CSMD3: variants seen among roughly 807,000 people sequenced by gnomAD.
The protein encoded by CSMD3 is CUB and sushi domain-containing protein 3.
A neutral mutation model predicts 435.2 loss-of-function variants in CSMD3; 177 were observed. That is an observed-to-expected ratio of 0.41 (90% CI 0.36 to 0.46). The LOEUF (loss-of-function observed/expected upper bound fraction) is 0.46, where lower values mean the gene tolerates loss of function less well. CSMD3 is among the 20% of genes least tolerant of loss of function. CSMD3 has a pLI of 0.34. For missense variants in CSMD3, 4,265 were observed against 4,504.6 expected, an observed-to-expected ratio of 0.95 and a Z score of 1.52; for synonymous variants, 1,656 against 1,520.5, an observed-to-expected ratio of 1.09 and a Z score of -2.07.
At chr8:112,825,434 A>C (rs1370734634) in intron 12 of CSMD3, among the ~76,000 whole-genome samples, 2 of 151,176 alleles carry the variant, frequency 1.3e-5, no homozygotes, top group East Asian at 3.9e-4. Flanking sequence ...TGTTGTTGTT[A>C]ATTCTTTCTC....
At chr8:113,254,450 A>C (rs2093362695) in intron 3 of CSMD3, among the ~76,000 whole-genome samples, 1 of 152,202 alleles carries the variant, frequency 6.6e-6, no homozygotes, top group African/African-American at 2.4e-5. Context: ...ACAGCATGGT[A>C]CTGGCCAGGT....
rs367651519 is a variant in CSMD3, at chr8:112,743,792, T to C, written c.1973-53742A>G. Among the ~76,000 whole-genome samples the C allele has an allele frequency of 8.5e-5, 13 of 152,142 alleles. No individual in the cohort carries two copies. The East Asian group carries it at 2.3e-3, about 27-fold the overall frequency. On this transcript the variant is annotated intron_variant, in intron 13 of 70. Coordinates refer to ENST00000297405, the MANE Select transcript of CSMD3 (RefSeq NM_198123.2). The stretch of plus-strand genomic sequence containing the variant: ...CTTTTAAATACTTGCATCATATAAA[T>C]AAAATCGTTCTGATAAACACCTGGT...
intron 13 of CSMD3, among the ~76,000 whole-genome samples, chr8:112,781,341 TGAGGAAAAAA>T (rs2078380379): frequency 6.6e-6 from 1 of 151,874 alleles, no homozygotes; most frequent in Admixed American, 6.6e-5. Context: ...TCCTTCTACT[TGAGGAAAAAA>T]GAGGAAAAAG....
In CSMD3 at chr8:112,702,289, T is replaced by C. The variant is rs554298602; in HGVS notation, c.1973-12239A>G. On this transcript the variant is annotated intron_variant, in intron 13 of 70. Coordinates refer to ENST00000297405, the MANE Select transcript of CSMD3 (RefSeq NM_198123.2). ...TTCCAGGATATGAGTTCTTAAGCAC[T>C]ATACCCTCTCTCAGAGCCTAATATT... Among the ~76,000 whole-genome samples the C allele has an allele frequency of 9.2e-5, 14 of 152,210 alleles. No individual in the cohort carries two copies. The East Asian group carries it at 2.3e-3, about 25-fold the overall frequency.
intron 27 of CSMD3, among the ~76,000 whole-genome samples, chr8:112,546,614 A>G (rs1827203555): frequency 6.6e-6 from 1 of 152,218 alleles, no homozygotes; most frequent in African/African-American, 2.4e-5. Context: ...TTCTGTGGGC[A>G]AATGACAGCA....
rs1404829089 is a variant in CSMD3, at chr8:113,436,915, T to C, written c.-61A>G. On this transcript the variant is annotated 5_prime_UTR_variant, in exon 1 of 71. Coordinates refer to ENST00000297405, the MANE Select transcript of CSMD3 (RefSeq NM_198123.2). Reference sequence around the variant, plus strand: ...CGGCGCAGTGGAGTTGTTGCTGTTGTTGGTGCGCGGTCACAGCTCGGAGTG... The same window carrying C: ...CGGCGCAGTGGAGTTGTTGCTGTTGCTGGTGCGCGGTCACAGCTCGGAGTG... 2.2e-5 allele frequency: 35 copies of C among 1,591,772 alleles called. No homozygotes were observed. The highest frequency in any genetic ancestry group is 2.8e-5 in the Non-Finnish European group (33 of 1,162,080).
At chr8:113,154,821 A>G (rs902228562) in intron 4 of CSMD3, among the ~76,000 whole-genome samples, 3 of 151,998 alleles carry the variant, frequency 2.0e-5, no homozygotes, top group Non-Finnish European at 4.4e-5. Flanking sequence ...TGGAATGTGC[A>G]ATATTTGTCA....
At chr8:112,294,366 A>G (rs1187561695) in intron 54 of CSMD3, among the ~76,000 whole-genome samples, 1 of 152,114 alleles carries the variant, frequency 6.6e-6, no homozygotes, top group Non-Finnish European at 1.5e-5. Context: ...TTATCCTATG[A>G]TCCTATTATA....
intron 24 of CSMD3, among the ~76,000 whole-genome samples, chr8:112,559,896 T>C (rs1449479054): frequency 6.6e-6 from 1 of 151,792 alleles, no homozygotes; most frequent in Non-Finnish European, 1.5e-5. Context: ...AAGAATATTC[T>C]AGATAGTTTT....
intron 2 of CSMD3, among the ~76,000 whole-genome samples, chr8:113,287,666 A>G (rs1588445830): frequency 1.3e-5 from 2 of 152,038 alleles, no homozygotes; most frequent in African/African-American, 4.8e-5. Flanking sequence ...AAGCACTTCC[A>G]TAAGATTTGG....
At chr8:113,006,491 T>A (rs972564425) in intron 6 of CSMD3, among the ~76,000 whole-genome samples, 7 of 151,960 alleles carry the variant, frequency 4.6e-5, no homozygotes, top group African/African-American at 1.4e-4. Context: ...GGGATTGCCC[T>A]GCTATAGGAT....
intron 7 of CSMD3, among the ~76,000 whole-genome samples, chr8:112,966,307 A>C (rs576072606): frequency 6.6e-6 from 1 of 151,628 alleles, no homozygotes; most frequent in African/African-American, 2.4e-5. Flanking sequence ...TAAATACATT[A>C]GTTAGTCTCA....
intron 31 of CSMD3, among the ~76,000 whole-genome samples, chr8:112,488,268 T>C (rs1487648127): frequency 6.6e-6 from 1 of 152,196 alleles, no homozygotes; most frequent in East Asian, 1.9e-4. Flanking sequence ...TTGGTTCGGT[T>C]TGAGTTTACA....
At chr8:112,719,629 G>A (rs533259730) in intron 13 of CSMD3, among the ~76,000 whole-genome samples, 6 of 152,168 alleles carry the variant, frequency 3.9e-5, no homozygotes, top group East Asian at 1.9e-4. Flanking sequence ...CAAAGGCCCC[G>A]TCTCCAAATA....
chr8:113,164,556 T>C (rs2092113359), intron 4 of CSMD3, among the ~76,000 whole-genome samples: 1 of 151,900 alleles, frequency 6.6e-6, no homozygotes, highest in Non-Finnish European at 1.5e-5. Flanking sequence ...AGATATGCAA[T>C]GGAAAAAGCC....
At chr8:112,389,396 A>T (rs1830224814) in intron 36 of CSMD3, among the ~76,000 whole-genome samples, 1 of 152,198 alleles carries the variant, frequency 6.6e-6, no homozygotes, top group African/African-American at 2.4e-5. Context: ...CAAAATCCTT[A>T]TTATTCTACT....
At chr8:112,638,374 T>A (rs1365051651) in intron 21 of CSMD3, among the ~76,000 whole-genome samples, 1 of 151,104 alleles carries the variant, frequency 6.6e-6, no homozygotes, top group East Asian at 1.9e-4. Context: ...ATTTTTATTT[T>A]GTGTTTACTA....
chr8:112,868,465 G>A lies in CSMD3; in HGVS notation c.1634-9199C>T, dbSNP rs982863748. ...CTTTTATATGAGTGGTGCAGCAGTT[G>A]GTTTGTTTACACCAGTATCACCAAA... On this transcript the variant is annotated intron_variant, in intron 10 of 70. Coordinates refer to ENST00000297405, the MANE Select transcript of CSMD3 (RefSeq NM_198123.2). Among the ~76,000 whole-genome samples, 25 of 152,212 alleles carry A rather than the reference G, an allele frequency of 1.6e-4. 1 individual carries two copies. The highest frequency in any genetic ancestry group is 1.5e-3 in the Admixed American group (23 of 15,284).
chr8:112,236,908 A>C (rs1481944877), intron 67 of CSMD3, among the ~76,000 whole-genome samples: 1 of 152,162 alleles, frequency 6.6e-6, no homozygotes, highest in Non-Finnish European at 1.5e-5. Flanking sequence ...AGTTGTATTC[A>C]TACCTAAATT....
Sources: gnomAD v4.1 joint callset for allele counts (sites outside exome capture counted in the v4.1 genomes callset) on GRCh38, gnomAD v4.1.1 for gene constraint, MANE v1.5 for transcripts, NCBI Gene and HGNC (gene_info 2026-07-23, HGNC 2026-07-21) for gene names.